Variants in MYO1D observed in about 807,000 individuals in gnomAD.
The protein encoded by MYO1D is unconventional myosin-Id.
A neutral mutation model predicts 122.0 loss-of-function variants in MYO1D; 83 were observed. The observed-to-expected ratio is 0.68, with a 90% confidence interval of 0.57 to 0.82. MYO1D has a LOEUF of 0.82. Ranked by LOEUF, MYO1D falls within the 40% of genes least tolerant of loss-of-function variation. The probability of loss-of-function intolerance (pLI) is 0.00; values close to 1 mark genes in which losing one functional copy is unlikely to be tolerated. For synonymous variants in MYO1D, 464 were observed against 446.9 expected (o/e 1.04, Z -0.48); for missense variants, 1,157 against 1,269.5 (o/e 0.91, Z 1.35).
intron 1 of MYO1D, among the ~76,000 whole-genome samples, chr17:32,849,690 C>T (rs2151080368): frequency 6.6e-6 from 1 of 151,836 alleles, no homozygotes; most frequent in East Asian, 1.9e-4. Flanking sequence ...GGAGGGATAG[C>T]ATTGGGAGAT....
At chr17:32,648,053 AAAATAT>A (rs1321463524) in intron 19 of MYO1D, among the ~76,000 whole-genome samples, 6 of 152,132 alleles carry the variant, frequency 3.9e-5, no homozygotes. Flanking sequence ...GCCTATACTA[AAAATAT>A]AAAAATTAGC....
intron 1 of MYO1D, among the ~76,000 whole-genome samples, chr17:32,850,684 A>G (rs980641575): frequency 3.3e-5 from 5 of 152,016 alleles, no homozygotes; most frequent in Non-Finnish European, 7.4e-5. Context: ...CTTCTCCCTA[A>G]CTCACTCTTA....
At position 32,616,482 on chromosome 17, in the gene MYO1D, C is replaced by CTT. The variant is rs552603493; in HGVS notation, c.2710-11243_2710-11242dup. Among the ~76,000 whole-genome samples, 992 of 135,510 alleles carry CTT rather than the reference C, an allele frequency of 7.3e-3. 18 individuals are homozygous for CTT. Among genetic ancestry groups the CTT allele is most frequent in the Middle Eastern group, 0.019 (5 of 264 alleles). The allele number at this position is 135,510 out of a possible 152,430, so 88.9% of individuals were successfully genotyped here. A position where few individuals can be genotyped will look rare whatever the true frequency, so the allele number is the denominator to read the frequency against. ...ACCACCACATCTGACTAATTAAAAA[C>CTT]TTTTTTTTTTTTTTTTTGGTAGAAA... On this transcript the variant is annotated intron_variant, in intron 20 of 21. Coordinates refer to ENST00000318217, the MANE Select transcript of MYO1D (RefSeq NM_015194.3).
intron 20 of MYO1D, among the ~76,000 whole-genome samples, chr17:32,636,183 C>A (rs1387335077): frequency 6.6e-6 from 1 of 152,116 alleles, no homozygotes; most frequent in Admixed American, 6.6e-5. Context: ...GTGATGAATT[C>A]TTTCCCACTC....
chr17:32,745,492 A>T (rs1232704490), intron 12 of MYO1D: 2 of 429,998 alleles, frequency 4.7e-6, no homozygotes, highest in African/African-American at 4.1e-5. Flanking sequence ...TATGATTAAG[A>T]TGATAATTCC....
At chr17:32,856,931 TC>T (rs914843846) in intron 1 of MYO1D, among the ~76,000 whole-genome samples, 3 of 152,132 alleles carry the variant, frequency 2.0e-5, no homozygotes, top group African/African-American at 7.2e-5. Context: ...AGTCATCCCC[TC>T]CCCCCAAGTC....
intron 8 of MYO1D, among the ~76,000 whole-genome samples, chr17:32,762,145 A>T (rs1187362833): frequency 6.6e-6 from 1 of 151,948 alleles, no homozygotes; most frequent in Non-Finnish European, 1.5e-5. Flanking sequence ...GATGAGTAAG[A>T]GGTAGCCAAG....
At chr17:32,781,277 G>A (rs966315425) in intron 1 of MYO1D, among the ~76,000 whole-genome samples, 3 of 152,174 alleles carry the variant, frequency 2.0e-5, no homozygotes, top group Non-Finnish European at 4.4e-5. Context: ...GAGAATGGTG[G>A]AGGAGACACT....
chr17:32,541,472 T>C (rs1597885328), intron 21 of MYO1D, among the ~76,000 whole-genome samples: 1 of 152,348 alleles, frequency 6.6e-6, no homozygotes, highest in Non-Finnish European at 1.5e-5. Context: ...AGGGTTTTCA[T>C]TTATGATAAT....
intron 21 of MYO1D, among the ~76,000 whole-genome samples, chr17:32,552,946 A>C (rs1441470909): frequency 6.6e-6 from 1 of 152,224 alleles, no homozygotes; most frequent in South Asian, 2.1e-4. Flanking sequence ...CCTTTAAAGA[A>C]GCATGCCAGG....
rs565656559 is a variant in MYO1D, at chr17:32,810,666, G to A, written c.96-29882C>T. 5.5e-4 allele frequency among the ~76,000 whole-genome samples: 83 copies of A among 152,024 alleles called. 2 individuals carry two copies. The East Asian group carries it at 0.014, about 26-fold the overall frequency. On this transcript the variant is annotated intron_variant, in intron 1 of 21. Coordinates refer to ENST00000318217, the MANE Select transcript of MYO1D (RefSeq NM_015194.3). ...TAATTTTTATATTTTTAGTAGAGACGGGGTTTCACCATGTTGGCCAGGCTG... is the reference window on the plus strand; with the variant it reads ...TAATTTTTATATTTTTAGTAGAGACAGGGTTTCACCATGTTGGCCAGGCTG...
At chr17:32,524,655 T>C (rs1367946482) in intron 21 of MYO1D, among the ~76,000 whole-genome samples, 4 of 151,238 alleles carry the variant, frequency 2.6e-5, no homozygotes, top group African/African-American at 4.9e-5. Context: ...CCTCCGCCTC[T>C]GGGTTCAAGC....
intron 7 of MYO1D, among the ~76,000 whole-genome samples, chr17:32,765,996 C>G (rs750301051): frequency 1.3e-5 from 2 of 152,114 alleles, no homozygotes; most frequent in East Asian, 3.9e-4. Flanking sequence ...GATCCTTCCA[C>G]CCCCAGCCCC....
rs2091243914 is a variant in MYO1D, at chr17:32,877,124, T to C, written c.-252A>G. The C allele has an allele frequency of 5.4e-6, 1 of 183,822 alleles. No homozygotes were observed. Among genetic ancestry groups the C allele is most frequent in the East Asian group, 1.5e-4 (1 of 6,826 alleles). 11.4% of individuals were successfully genotyped at this position (183,822 alleles called of 1,614,324 possible). Reference sequence around the variant, plus strand: ...CTCCCGCCGCGGCTGCCGGGCGCTGTAGGGGCCGGGACACCGAGACGGAGA... The same window carrying C: ...CTCCCGCCGCGGCTGCCGGGCGCTGCAGGGGCCGGGACACCGAGACGGAGA... On this transcript the variant is annotated 5_prime_UTR_variant, in exon 1 of 22. Transcript: ENST00000318217.
chr17:32,671,704 T>C (rs1374255697), intron 16 of MYO1D, among the ~76,000 whole-genome samples: 1 of 152,164 alleles, frequency 6.6e-6, no homozygotes, highest in Non-Finnish European at 1.5e-5. Context: ...ATGATGGCAA[T>C]TTTATGAGTA....
At chr17:32,782,677 T>G (rs758791776) in intron 1 of MYO1D, among the ~76,000 whole-genome samples, 3 of 152,224 alleles carry the variant, frequency 2.0e-5, no homozygotes, top group Non-Finnish European at 4.4e-5. Context: ...GGCTCTTGCC[T>G]ATAATCCCAG....
At chr17:32,721,243 A>G in intron 14 of MYO1D, 54 bp from the exon 15 acceptor site, 28 of 1,530,120 alleles carry the variant, frequency 1.8e-5, no homozygotes, top group Non-Finnish European at 2.5e-5. Context: ...TTTCCCAGCT[A>G]GGGACACTAA....
chr17:32,754,590 A>G (rs2089928434), intron 11 of MYO1D, among the ~76,000 whole-genome samples: 1 of 152,262 alleles, frequency 6.6e-6, no homozygotes, highest in Non-Finnish European at 1.5e-5. Flanking sequence ...CAAAGGAGAT[A>G]AGTTAGAAAA....
intron 11 of MYO1D, among the ~76,000 whole-genome samples, chr17:32,750,281 A>ATAGTT (rs1441256116): frequency 1.3e-5 from 2 of 152,210 alleles, no homozygotes; most frequent in East Asian, 3.8e-4. Context: ...TTGGAATCTT[A>ATAGTT]TAGTTTCTTA....
Sources: allele counts gnomAD v4.1 joint callset (sites outside exome capture counted in the v4.1 genomes callset), GRCh38; gene constraint gnomAD v4.1.1; transcripts MANE v1.5; gene names NCBI Gene and HGNC (gene_info 2026-07-23, HGNC 2026-07-21).